B4GALT1: variants seen among roughly 807,000 people sequenced by gnomAD.
The protein encoded by B4GALT1 is beta-1,4-galactosyltransferase 1.
Under a neutral mutation model 34.9 loss-of-function variants are expected in B4GALT1, and 16 were observed. That is an observed-to-expected ratio of 0.46 (90% CI 0.31 to 0.70). The LOEUF is 0.70. Ranked by LOEUF, B4GALT1 falls within the 30% of genes least tolerant of loss-of-function variation. The pLI, the probability that B4GALT1 is intolerant of heterozygous loss-of-function variation, is 0.05. For missense variants in B4GALT1, 445 were observed against 530.5 expected (o/e 0.84, Z 1.58); for synonymous variants, 221 against 218.1 (o/e 1.01, Z -0.12).
chr9:33,104,740 C>G (rs1160047936), exon 3 of B4GALT1: 1 of 455,996 alleles, frequency 2.2e-6, no homozygotes, highest in East Asian at 6.9e-5. Flanking sequence ...CAGAACAGAC[C>G]AGGCGAAGCC....
At chr9:33,106,053 G>T (rs1839794415), downstream of B4GALT1, among the ~76,000 whole-genome samples, 1 of 151,698 alleles carries the variant, frequency 6.6e-6, no homozygotes, top group African/African-American at 2.4e-5. Flanking sequence ...TTTCCATAGG[G>T]GTTCCACCAT....
intron 1 of B4GALT1, among the ~76,000 whole-genome samples, chr9:33,162,466 A>G (rs1183508260): frequency 6.6e-6 from 1 of 152,216 alleles, no homozygotes; most frequent in Non-Finnish European, 1.5e-5. Flanking sequence ...CTGGAACTGA[A>G]GGAATGAAGT....
At chr9:33,134,185 C>T (rs1311428614) in intron 2 of B4GALT1, among the ~76,000 whole-genome samples, 4 of 152,196 alleles carry the variant, frequency 2.6e-5, no homozygotes, top group Admixed American at 1.3e-4. Context: ...CAGCAGTCCT[C>T]GAGTGCTTCC....
chr9:33,175,917 C>T, the B4GALT1 span, among the ~76,000 whole-genome samples: 1 of 152,192 alleles, frequency 6.6e-6, no homozygotes, highest in Non-Finnish European at 1.5e-5. Context: ...ACTAAACTCG[C>T]AACTTTTACT....
the B4GALT1 span, among the ~76,000 whole-genome samples, chr9:33,174,913 C>T: frequency 8.3e-5 from 11 of 131,848 alleles, no homozygotes; most frequent in South Asian, 5.0e-4. Context: ...GCCAAGATCA[C>T]GCCACTGCAC....
At chr9:33,127,346 G>A (rs1840127853) in intron 2 of B4GALT1, among the ~76,000 whole-genome samples, 1 of 152,254 alleles carries the variant, frequency 6.6e-6, no homozygotes, top group Non-Finnish European at 1.5e-5. Context: ...GAAAAGTGGA[G>A]ACGTGGCTTT....
chr9:33,125,203 G>C (rs966063603), intron 2 of B4GALT1, among the ~76,000 whole-genome samples: 1 of 152,146 alleles, frequency 6.6e-6, no homozygotes. Flanking sequence ...CTCTGGAGGC[G>C]GTGCTGGGAG....
chr9:33,109,282 C>T (rs1406128872), downstream of B4GALT1, among the ~76,000 whole-genome samples: 1 of 152,228 alleles, frequency 6.6e-6, no homozygotes, highest in Non-Finnish European at 1.5e-5. Context: ...GTGGAGGTGT[C>T]TGGAGGGTGG....
chr9:33,181,983 G>A, the B4GALT1 span, among the ~76,000 whole-genome samples: 1 of 150,284 alleles, frequency 6.7e-6, no homozygotes, highest in Non-Finnish European at 1.5e-5. Context: ...TTTTTAGATA[G>A]GGTTTCACTC....
At chr9:33,107,078 G>A (rs191493189), downstream of B4GALT1, among the ~76,000 whole-genome samples, 375 of 152,272 alleles carry the variant, frequency 2.5e-3, 1 homozygote, top group Non-Finnish European at 3.6e-3. Flanking sequence ...CTGGTTTCCA[G>A]TCTATTGACC....
In B4GALT1 at chr9:33,161,985, T is replaced by C. The variant is rs1329536094; in HGVS notation, c.412+4773A>G. On this transcript the variant is annotated intron_variant, in intron 1 of 5. Transcript: ENST00000379731. The stretch of plus-strand genomic sequence containing the variant: ...GCCGGCCCTGTTCCTTAAGTCTGGA[T>C]GGTCCCTAGGGTGGAATCTGTGGAA... Among the ~76,000 whole-genome samples the C allele has an allele frequency of 2.0e-5, 3 of 152,288 alleles. No individual in the cohort carries two copies. In the East Asian group the frequency reaches 5.8e-4, roughly 29 times the overall value.
intron 1 of B4GALT1, among the ~76,000 whole-genome samples, chr9:33,143,486 T>C (rs941966251): frequency 1.3e-5 from 2 of 152,278 alleles, no homozygotes; most frequent in Admixed American, 6.5e-5. Flanking sequence ...GGTAGCTTTC[T>C]GTCTATTGCA....
chr9:33,107,257 T>C (rs191600081), downstream of B4GALT1, among the ~76,000 whole-genome samples: 15 of 152,326 alleles, frequency 9.8e-5, no homozygotes, highest in Admixed American at 8.5e-4. Flanking sequence ...ACAAACCTCA[T>C]TTCCTTTCTG....
chr9:33,134,932 G>GGCTA (rs1465982528), intron 2 of B4GALT1, among the ~76,000 whole-genome samples: 6 of 152,170 alleles, frequency 3.9e-5, no homozygotes, highest in Non-Finnish European at 7.3e-5. Flanking sequence ...CTTGCTGGAA[G>GGCTA]GCTACTTCCA....
At position 33,148,195 on chromosome 9, in the gene B4GALT1, T is replaced by C. The variant is rs1840457112; in HGVS notation, c.413-12771A>G. Among the ~76,000 whole-genome samples, 3 of 152,262 alleles carry C rather than the reference T, an allele frequency of 2.0e-5. No homozygotes were observed. In the South Asian group the frequency reaches 6.2e-4, roughly 32 times the overall value. ...GTGAAAAACAGGCAAAGGATTATAA[T>C]GAATAAGCAATTTACCTAAGAGGAA... On this transcript the variant is annotated intron_variant, in intron 1 of 5. Coordinates refer to ENST00000379731, the MANE Select transcript of B4GALT1 (RefSeq NM_001497.4).
chr9:33,123,107 G>A (rs969513096), intron 2 of B4GALT1, among the ~76,000 whole-genome samples: 15 of 151,896 alleles, frequency 9.9e-5, no homozygotes, highest in Non-Finnish European at 2.1e-4. Flanking sequence ...GCGAAAGCCC[G>A]TCTCTACTAA....
intron 1 of B4GALT1, among the ~76,000 whole-genome samples, chr9:33,137,344 A>C (rs1840286217): frequency 1.3e-5 from 2 of 151,742 alleles, no homozygotes; most frequent in Non-Finnish European, 2.9e-5. Context: ...TGATCCTTTT[A>C]CTCTCTGCGC....
upstream of B4GALT1, among the ~76,000 whole-genome samples, chr9:33,169,763 C>T (rs943717270): frequency 1.1e-4 from 16 of 152,018 alleles, no homozygotes; most frequent in Admixed American, 4.6e-4. Context: ...TCAGGTGATC[C>T]GCCCGCCTCG....
upstream of B4GALT1, among the ~76,000 whole-genome samples, chr9:33,171,354 T>C (rs1205761006): frequency 1.3e-5 from 2 of 152,148 alleles, no homozygotes; most frequent in African/African-American, 2.4e-5. Flanking sequence ...CACTTGGATC[T>C]CTCCACAAAG....
Sources: allele counts gnomAD v4.1 joint callset (sites outside exome capture counted in the v4.1 genomes callset), GRCh38; gene constraint gnomAD v4.1.1; transcripts MANE v1.5; gene names NCBI Gene and HGNC (gene_info 2026-07-23, HGNC 2026-07-21).